CRLS1: variants seen among roughly 807,000 people sequenced by gnomAD.
The protein encoded by CRLS1 is cardiolipin synthase 1, also known as cardiolipin synthase (CMP-forming).
A neutral mutation model predicts 37.0 loss-of-function variants in CRLS1; 24 were observed. The observed-to-expected ratio is 0.65, with a 90% CI of 0.47 to 0.91. The LOEUF is 0.91. Ranked by LOEUF, CRLS1 falls within the 40% of genes least tolerant of loss-of-function variation. The pLI is 0.00. For synonymous variants in CRLS1, 135 were observed against 159.7 expected (o/e 0.85, Z 1.17); for missense variants, 373 against 395.8 (o/e 0.94, Z 0.49).
intron 1 of CRLS1, chr20:6,007,549 C>G: frequency 1.2e-6 from 1 of 822,666 alleles, no homozygotes. Flanking sequence ...TTCACTGTTC[C>G]AGCAACATTG....
rs755954900 is a variant in CRLS1, at chr20:6,031,296, T to C, written c.586T>C (p.Tyr196His). The change falls in exon 4 of 7, where the codon TAC (tyrosine) becomes CAC (histidine). Residue 196 changes from tyrosine (Y) to histidine (H), a missense_variant. By Grantham distance (83) the Tyr-to-His change is moderately conservative (BLOSUM62 2). Transcript: ENST00000378863. ...TGTTTGATTTTCAGTTCCACTTACT[T>C]ACATGATCATTTCGAGAGATGTAAT... ...YADLIPVPLTYMIISRDVMLI... is the reference protein window; with the variant it reads ...YADLIPVPLTHMIISRDVMLI... 2 of 1,606,336 alleles carry C rather than the reference T, an allele frequency of 1.2e-6. No homozygotes were observed. The highest frequency in any genetic ancestry group is 1.7e-5 in the Admixed American group (1 of 59,044).
chr20:6,007,541 C>T, intron 1 of CRLS1: 2 of 880,434 alleles, frequency 2.3e-6, no homozygotes, highest in South Asian at 2.9e-5. Context: ...GAACTCCCTT[C>T]ACTGTTCCAG....
intron 2 of CRLS1, among the ~76,000 whole-genome samples, chr20:6,012,536 T>TA (rs202218691): frequency 1.5e-4 from 22 of 150,700 alleles, no homozygotes; most frequent in African/African-American, 5.1e-4. Flanking sequence ...GGACTTACTT[T>TA]AAAAAAAAAA....
chr20:6,006,376 T>A lies in CRLS1; in HGVS notation c.130T>A (p.Cys44Ser). Residue 44 changes from cysteine to serine, a missense_variant, in exon 1 of 7, where the codon TGC becomes AGC. Physicochemically the swap from Cys to Ser is moderately radical, Grantham distance 112. Transcript: ENST00000378863. The stretch of plus-strand genomic sequence containing the variant: ...GCCGCCCGTGCCCTGCTGCTTGGGC[T>A]GCCTGGCCGAACGCTGGAGGCTGCG... ...LLPPVPCCLG[C>S]LAERWRLRPA... The A allele has an allele frequency of 4.3e-6, 6 of 1,406,374 alleles. No homozygotes were observed. The highest frequency in any genetic ancestry group is 5.6e-6 in the Non-Finnish European group (6 of 1,078,350). 87.1% of individuals were successfully genotyped at this position (1,406,374 alleles called of 1,614,324 possible). A position where few individuals can be genotyped will look rare whatever the true frequency, so the allele number is the denominator to read the frequency against.
chr20:6,006,167 C>A lies in CRLS1; in HGVS notation c.-80C>A. The A allele has an allele frequency of 1.3e-6, 1 of 797,680 alleles. No individual in the cohort carries two copies. The highest frequency in any genetic ancestry group is 1.7e-6 in the Non-Finnish European group (1 of 598,124). 49.4% of individuals were successfully genotyped at this position (797,680 alleles called of 1,614,324 possible). A position where few individuals can be genotyped will look rare whatever the true frequency, so the allele number is the denominator to read the frequency against. On this transcript the variant is annotated 5_prime_UTR_variant, in exon 1 of 7. Coordinates refer to ENST00000378863, the MANE Select transcript of CRLS1 (RefSeq NM_019095.6). ...CCCAGTGTCTGAGTGGTTGCCGGGT[C>A]TCCATGGAGAAGCGGCTCGCCAGTG...
chr20:6,031,335 G>C lies in CRLS1; in HGVS notation c.625G>C (p.Val209Leu). The C allele has an allele frequency of 2.5e-6, 4 of 1,610,026 alleles. No individual in the cohort carries two copies. The highest frequency in any genetic ancestry group is 3.4e-6 in the Non-Finnish European group (4 of 1,178,202). ...ISRDVMLIAAVFYVRYRTLPT... is the reference protein window; with the variant it reads ...ISRDVMLIAALFYVRYRTLPT... ...GAGAGATGTAATGTTGATTGCTGCTGTTTTTTATGTCAGATACCGAACTCT... is the reference window on the plus strand; with the variant it reads ...GAGAGATGTAATGTTGATTGCTGCTCTTTTTTATGTCAGATACCGAACTCT... Residue 209 changes from valine to leucine, a missense_variant, in exon 4 of 7, where the codon GTT (valine) becomes CTT (leucine). Coordinates refer to ENST00000378863, the MANE Select transcript of CRLS1 (RefSeq NM_019095.6).
At chr20:6,007,380 G>A in intron 1 of CRLS1, 1 of 1,613,606 alleles carries the variant, frequency 6.2e-7, no homozygotes. Flanking sequence ...GTCCTTCCCA[G>A]AACGGCAGTA....
chr20:6,036,732 G>C (rs2123036574), intron 6 of CRLS1, among the ~76,000 whole-genome samples: 1 of 152,278 alleles, frequency 6.6e-6, no homozygotes, highest in East Asian at 1.9e-4. Context: ...AGTCCTTCTG[G>C]AGGATGAAGT....
upstream of CRLS1, chr20:6,006,118 AAAG>A (rs2122888424): frequency 4.5e-6 from 2 of 441,116 alleles, no homozygotes; most frequent in East Asian, 8.0e-5. Context: ...TGGGGTGTGT[AAAG>A]TAGTATGGAG....
chr20:6,018,385 A>G (rs1978940377), intron 3 of CRLS1, among the ~76,000 whole-genome samples: 2 of 152,128 alleles, frequency 1.3e-5, no homozygotes, highest in African/African-American at 4.8e-5. Flanking sequence ...TATGTCTTGT[A>G]TGTAATTAAT....
intron 3 of CRLS1, among the ~76,000 whole-genome samples, chr20:6,030,468 A>C (rs1430408942): frequency 6.6e-6 from 1 of 152,156 alleles, no homozygotes; most frequent in Non-Finnish European, 1.5e-5. Flanking sequence ...CATGCATGTA[A>C]TCCCAGCATT....
intron 1 of CRLS1, among the ~76,000 whole-genome samples, chr20:6,009,060 C>G (rs774270596): frequency 1.3e-5 from 2 of 152,240 alleles, no homozygotes; most frequent in Non-Finnish European, 2.9e-5. Context: ...CATGCTGGCT[C>G]ACGCCTGTAA....
At chr20:6,015,909 C>T (rs1978707376) in intron 3 of CRLS1, 1 of 218,034 alleles carries the variant, frequency 4.6e-6, no homozygotes, top group Admixed American at 5.4e-5. Flanking sequence ...TATAAAATTT[C>T]ACATTATGTA....
At chr20:6,011,527 A>G (rs1443779810) in intron 2 of CRLS1, among the ~76,000 whole-genome samples, 1 of 121,168 alleles carries the variant, frequency 8.3e-6, no homozygotes, top group Admixed American at 9.4e-5. Context: ...ATTTGTCACT[A>G]CCTCTTCCCA....
At chr20:6,030,958 G>A (rs2044058822) in intron 3 of CRLS1, among the ~76,000 whole-genome samples, 1 of 152,104 alleles carries the variant, frequency 6.6e-6, no homozygotes. Flanking sequence ...GCTGAGTAGA[G>A]CTGATGCTGA....
In CRLS1 at chr20:6,037,853, A is replaced by C. The variant is rs1226385538; in HGVS notation, c.*695A>C. On this transcript the variant is annotated 3_prime_UTR_variant, in exon 7 of 7. Transcript: ENST00000378863. ...GGAGAACGTGTCTATTAGTCTTTGC[A>C]TCTAAAAGGCAGTGAGTTACGTTCC... 1.3e-5 allele frequency: 2 copies of C among 152,210 alleles called. No homozygotes were observed. The highest frequency in any genetic ancestry group is 4.8e-5 in the African/African-American group (2 of 41,448). 9.4% of individuals were successfully genotyped at this position (152,210 alleles called of 1,614,324 possible).
rs779985033 is a variant in CRLS1, at chr20:6,035,735, C to CT, written c.821+1182dup. Among the ~76,000 whole-genome samples, 6 of 152,176 alleles carry CT rather than the reference C, an allele frequency of 3.9e-5. No individual in the cohort carries two copies. The East Asian group carries it at 1.2e-3, about 29-fold the overall frequency. ...TTCCTGGCCTCAAGCGATCCTTCAG[C>CT]TTCAGCCTCCTGAGTAGCTGGGATT... On this transcript the variant is annotated intron_variant, in intron 6 of 6. Transcript: ENST00000378863.
intron 3 of CRLS1, among the ~76,000 whole-genome samples, chr20:6,024,248 A>G (rs774217106): frequency 2.0e-5 from 3 of 151,832 alleles, no homozygotes; most frequent in Non-Finnish European, 2.9e-5. Context: ...GAGCCACAGC[A>G]CCTGGTCTCT....
rs1446349515 is a variant in CRLS1 at position 6,039,326 on chromosome 20, CACA to C, written c.*2172_*2174del. 1.3e-5 allele frequency: 2 copies of C among 151,394 alleles called. No individual in the cohort carries two copies. Among genetic ancestry groups the C allele is most frequent in the Non-Finnish European group, 2.9e-5 (2 of 67,920 alleles). The allele number at this position is 151,394 out of a possible 1,614,324, so 9.4% of individuals were successfully genotyped here. ...GTGTATTTTGTTTTTTTTACAAGCCCACAACATCATAGCTTTGCAGTTTTTAAC... is the reference window on the plus strand; with the variant it reads ...GTGTATTTTGTTTTTTTTACAAGCCCACATCATAGCTTTGCAGTTTTTAAC... On this transcript the variant is annotated 3_prime_UTR_variant, in exon 7 of 7. Coordinates refer to ENST00000378863, the MANE Select transcript of CRLS1 (RefSeq NM_019095.6).
Sources: allele counts gnomAD v4.1 joint callset (sites outside exome capture counted in the v4.1 genomes callset), GRCh38; gene constraint gnomAD v4.1.1; transcripts MANE v1.5; gene names NCBI Gene and HGNC (gene_info 2026-07-23, HGNC 2026-07-21).